COL26A1: variants seen among roughly 807,000 people sequenced by gnomAD.
The protein encoded by COL26A1 is collagen alpha-1(XXVI) chain.
Under a neutral mutation model 59.3 loss-of-function variants are expected in COL26A1, and 41 were observed. The ratio of observed to expected loss-of-function variants is 0.69; its 90% CI spans 0.54 to 0.90. The LOEUF (loss-of-function observed/expected upper bound fraction) is 0.90. Ranked by LOEUF, COL26A1 falls within the 40% of genes least tolerant of loss-of-function variation. The pLI, the probability that COL26A1 is intolerant of heterozygous loss-of-function variation, is 0.00. For synonymous variants in COL26A1, 266 were observed against 256.0 expected (o/e 1.04, Z -0.37); for missense variants, 612 against 602.3 (o/e 1.02, Z -0.17).
chr7:101,489,671 TCCTTCCTTCC>T lies in COL26A1; in HGVS notation c.385+41885_385+41894del, dbSNP rs1431062490. Among the ~76,000 whole-genome samples the T allele has an allele frequency of 4.0e-3, 206 of 51,366 alleles. 16 individuals are homozygous for T. Among genetic ancestry groups the T allele is most frequent in the African/African-American group, 9.6e-3 (48 of 5,004 alleles). The allele number at this position is 51,366 out of a possible 152,430, so 33.7% of individuals were successfully genotyped here. A position where few individuals can be genotyped will look rare whatever the true frequency, so the allele number is the denominator to read the frequency against. On this transcript the variant is annotated intron_variant, in intron 3 of 12. Coordinates refer to ENST00000313669, the MANE Select transcript of COL26A1 (RefSeq NM_001278563.3). ...TTTCTTTCTTTCTTTCTTCCTTCCT[TCCTTCCTTCC>T]TTTCTTTCTTTCTTTCTGTCTTTCT...
intron 1 of COL26A1, among the ~76,000 whole-genome samples, chr7:101,408,182 A>AC (rs1311502560): frequency 5.9e-5 from 9 of 152,182 alleles, no homozygotes; most frequent in Non-Finnish European, 1.5e-5. Context: ...AGAGTCTAAC[A>AC]TGGAGGGTGT....
At position 101,511,535 on chromosome 7, in the gene COL26A1, A is replaced by G. The variant is rs76660122; in HGVS notation, c.386-21547A>G. On this transcript the variant is annotated intron_variant, in intron 3 of 12. Coordinates refer to ENST00000313669, the MANE Select transcript of COL26A1 (RefSeq NM_001278563.3). ...GCCCTGCTCTAGGCTGAAGGCAGACAGGACCTGCTGGTCCCTGGCCATGGT... is the reference window on the plus strand; with the variant it reads ...GCCCTGCTCTAGGCTGAAGGCAGACGGGACCTGCTGGTCCCTGGCCATGGT... 3.9e-3 allele frequency among the ~76,000 whole-genome samples: 588 copies of G among 152,350 alleles called. 3 individuals carry two copies. Among genetic ancestry groups the G allele is most frequent in the South Asian group, 0.011 (53 of 4,832 alleles).
At chr7:101,379,769 C>T (rs1317636522) in intron 1 of COL26A1, among the ~76,000 whole-genome samples, 5 of 152,160 alleles carry the variant, frequency 3.3e-5, no homozygotes, top group African/African-American at 4.8e-5. Flanking sequence ...TGAGAGTGAC[C>T]TCTGGTCGTC....
At chr7:101,398,594 A>G (rs566342425) in intron 1 of COL26A1, among the ~76,000 whole-genome samples, 10 of 152,264 alleles carry the variant, frequency 6.6e-5, no homozygotes, top group African/African-American at 2.4e-4. Context: ...GCAAGAATCA[A>G]TGTGTCAGCG....
chr7:101,435,172 A>G (rs971041475), intron 2 of COL26A1, among the ~76,000 whole-genome samples: 4 of 152,146 alleles, frequency 2.6e-5, no homozygotes, highest in African/African-American at 9.7e-5. Context: ...TAGAAATACA[A>G]AAATTAGCCA....
intron 4 of COL26A1, among the ~76,000 whole-genome samples, chr7:101,538,405 T>C (rs1795528926): frequency 6.6e-6 from 1 of 152,222 alleles, no homozygotes; most frequent in South Asian, 2.1e-4. Context: ...GAGGCACCAC[T>C]AGGGGCCCCG....
intron 1 of COL26A1, among the ~76,000 whole-genome samples, chr7:101,368,906 C>T (rs62465619): frequency 0.58 from 87,563 of 151,158 alleles, 26,929 homozygotes; most frequent in African/African-American, 0.8. Flanking sequence ...CACTCAAAAT[C>T]TGGCTCTTTC....
intron 6 of COL26A1, 106 bp from the exon 7 acceptor site, chr7:101,545,232 C>G: frequency 1.9e-6 from 2 of 1,064,196 alleles, no homozygotes; most frequent in South Asian, 3.5e-5. Context: ...GCCTGTGGGC[C>G]CCTGACCAAC....
chr7:101,517,464 C>A lies in COL26A1; in HGVS notation c.386-15618C>A, dbSNP rs1038645856. 2.2e-4 allele frequency among the ~76,000 whole-genome samples: 34 copies of A among 152,290 alleles called. 1 individual carries two copies. The highest frequency in any genetic ancestry group is 7.5e-4 in the African/African-American group (31 of 41,558). On this transcript the variant is annotated intron_variant, in intron 3 of 12. Transcript: ENST00000313669. ...AGGTGACTTGCTCCTCCTTGCCTTC[C>A]GCCATGATTGTGAGACTTCCCCAGC...
chr7:101,556,218 T>C (rs1379455663), intron 12 of COL26A1, among the ~76,000 whole-genome samples: 1 of 152,206 alleles, frequency 6.6e-6, no homozygotes, highest in Admixed American at 6.5e-5. Flanking sequence ...TCGGCCTCTG[T>C]GAAGCCTTCT....
chr7:101,506,938 TC>T (rs201997505), intron 3 of COL26A1, among the ~76,000 whole-genome samples: 23 of 151,820 alleles, frequency 1.5e-4, no homozygotes, highest in Admixed American at 5.2e-4. Context: ...CTTTTTTTTT[TC>T]CCCCTCACTC....
chr7:101,498,872 C>T (rs935861340), intron 3 of COL26A1, among the ~76,000 whole-genome samples: 8 of 152,158 alleles, frequency 5.3e-5, no homozygotes, highest in African/African-American at 9.7e-5. Context: ...GGCTCCCCAC[C>T]GCGCGCGGCA....
intron 2 of COL26A1, among the ~76,000 whole-genome samples, chr7:101,432,424 C>T (rs181579421): frequency 6.6e-6 from 1 of 152,210 alleles, no homozygotes; most frequent in East Asian, 1.9e-4. Flanking sequence ...ATGTCTGGTC[C>T]CTTAATGGCA....
At chr7:101,362,782 C>A, upstream of COL26A1, 1 of 518,692 alleles carries the variant, frequency 1.9e-6, no homozygotes, top group Non-Finnish European at 3.4e-6. Context: ...GGCCCCGGAC[C>A]GCCGAGGGTT....
intron 3 of COL26A1, among the ~76,000 whole-genome samples, chr7:101,527,280 T>C (rs758794705): frequency 1.2e-4 from 18 of 152,066 alleles, no homozygotes; most frequent in African/African-American, 1.9e-4. Context: ...CTGCTCTCTC[T>C]CTCTATGTCT....
chr7:101,556,685 G>C (rs185729162), intron 12 of COL26A1, among the ~76,000 whole-genome samples: 28 of 150,702 alleles, frequency 1.9e-4, no homozygotes, highest in Admixed American at 1.7e-3. Flanking sequence ...TGAACAGGTG[G>C]GTGGATAAAT....
At position 101,489,601 on chromosome 7, in the gene COL26A1, T is replaced by TTTTCTTTCTTTCTTTCTTTCTTTC. The variant is rs1177502295; in HGVS notation, c.385+41853_385+41876dup. Among the ~76,000 whole-genome samples, 9 of 105,116 alleles carry TTTTCTTTCTTTCTTTCTTTCTTTC rather than the reference T, an allele frequency of 8.6e-5. 1 individual carries two copies. Among genetic ancestry groups the TTTTCTTTCTTTCTTTCTTTCTTTC allele is most frequent in the South Asian group, 3.8e-4 (1 of 2,608 alleles). The allele number at this position is 105,116 out of a possible 152,430, so 69.0% of individuals were successfully genotyped here. A position where few individuals can be genotyped will look rare whatever the true frequency, so the allele number is the denominator to read the frequency against. On this transcript the variant is annotated intron_variant, in intron 3 of 12. Coordinates refer to ENST00000313669, the MANE Select transcript of COL26A1 (RefSeq NM_001278563.3). ...CACCACACTCGGCTATTTTCTTTCTTTTTCTTTCTTTCTTTCTTTCTTTCT... is the reference window on the plus strand; with the variant it reads ...CACCACACTCGGCTATTTTCTTTCTTTTTCTTTCTTTCTTTCTTTCTTTCTTTCTTTCTTTCTTTCTTTCTTTCT...
intron 2 of COL26A1, among the ~76,000 whole-genome samples, chr7:101,435,231 C>T (rs1034097125): frequency 2.0e-5 from 3 of 152,146 alleles, no homozygotes; most frequent in Admixed American, 1.3e-4. Context: ...AGACAGAAGA[C>T]GTGCTCAAAC....
intron 3 of COL26A1, among the ~76,000 whole-genome samples, chr7:101,453,227 C>T (rs183480502): frequency 1.8e-4 from 27 of 152,174 alleles, no homozygotes; most frequent in Admixed American, 3.9e-4. Context: ...ACTAGCCGGG[C>T]GTGGTGGCAC....
Sources: allele counts gnomAD v4.1 joint callset (sites outside exome capture counted in the v4.1 genomes callset), GRCh38; gene constraint gnomAD v4.1.1; transcripts MANE v1.5; gene names NCBI Gene and HGNC (gene_info 2026-07-23, HGNC 2026-07-21).